Variants in S100A8 observed in about 807,000 individuals in gnomAD.
The protein encoded by S100A8 is protein S100-A8.
Under a neutral mutation model 4.2 loss-of-function variants are expected in S100A8, and 1 was observed. That is an observed-to-expected ratio of 0.24 (90% CI 0.08 to 1.12). S100A8 has a LOEUF of 1.12. Among genes scored for constraint, S100A8 ranks in the 50% most tolerant of loss-of-function variants. S100A8 has a pLI of 0.53. For synonymous variants in S100A8, 41 were observed against 44.7 expected, an observed-to-expected ratio of 0.92 and a Z score of 0.33; for missense variants, 96 against 111.8, an observed-to-expected ratio of 0.86 and a Z score of 0.64.
At chr1:153,417,932 A>G in the S100A8 span, 6 of 1,036,392 alleles carry the variant, frequency 5.8e-6, no homozygotes, top group Admixed American at 1.4e-4. Flanking sequence ...ATCCCATCAC[A>G]TTTAAAAAAA....
upstream of S100A8, among the ~76,000 whole-genome samples, chr1:153,394,761 G>GTC (rs1662176078): frequency 6.6e-6 from 1 of 152,134 alleles, no homozygotes; most frequent in Non-Finnish European, 1.5e-5. Context: ...GAGAAACAAG[G>GTC]TCTCCAGCTC....
the S100A8 span, among the ~76,000 whole-genome samples, chr1:153,409,231 C>T: frequency 2.0e-5 from 3 of 152,244 alleles, no homozygotes; most frequent in South Asian, 6.2e-4. Context: ...TTCAGGAGAC[C>T]TATCTCAGGT....
the S100A8 span, among the ~76,000 whole-genome samples, chr1:153,403,694 G>A: frequency 6.6e-6 from 1 of 152,100 alleles, no homozygotes; most frequent in Admixed American, 6.5e-5. Context: ...ATATTTTTGA[G>A]TGATTGATTC....
chr1:153,403,651 G>A, the S100A8 span, among the ~76,000 whole-genome samples: 9 of 151,918 alleles, frequency 5.9e-5, no homozygotes, highest in African/African-American at 2.2e-4. Context: ...TTTTCAATTA[G>A]GACTATGTTT....
At chr1:153,410,929 G>A in the S100A8 span, among the ~76,000 whole-genome samples, 250 of 152,186 alleles carry the variant, frequency 1.6e-3, 1 homozygote, top group Non-Finnish European at 2.8e-3. Flanking sequence ...AAATTCAACA[G>A]CCCTTCATGC....
At chr1:153,420,150 T>C in the S100A8 span, 1 of 152,218 alleles carries the variant, frequency 6.6e-6, no homozygotes, top group Non-Finnish European at 1.5e-5. Flanking sequence ...AGAGAGCTCA[T>C]GCTGACTGTG....
upstream of S100A8, among the ~76,000 whole-genome samples, chr1:153,393,827 A>G (rs780851115): frequency 2.6e-5 from 4 of 152,212 alleles, no homozygotes; most frequent in African/African-American, 4.8e-5. Flanking sequence ...AAGTATAATT[A>G]TCCCTATTTG....
chr1:153,420,259 A>T, the S100A8 span: 1 of 152,196 alleles, frequency 6.6e-6, no homozygotes, highest in East Asian at 1.9e-4. Flanking sequence ...GAGGATGCAG[A>T]AACAGGCAGG....
At chr1:153,406,185 C>T in the S100A8 span, among the ~76,000 whole-genome samples, 3 of 152,188 alleles carry the variant, frequency 2.0e-5, no homozygotes, top group African/African-American at 4.8e-5. Flanking sequence ...TTTATCTGAA[C>T]CTTTTTGAAG....
chr1:153,404,412 C>T, the S100A8 span, among the ~76,000 whole-genome samples: 2 of 152,120 alleles, frequency 1.3e-5, no homozygotes, highest in Non-Finnish European at 2.9e-5. Context: ...ATCTAGGGGT[C>T]CACCAAGAGT....
In S100A8 at chr1:153,390,808, C is replaced by T. The variant is rs1005465198; in HGVS notation, c.-23+233G>A. On this transcript the variant is annotated intron_variant, in intron 1 of 2. Transcript: ENST00000368733. The stretch of plus-strand genomic sequence containing the variant: ...GGGCCCGTAGACTTTCCTTACCACC[C>T]CACCCTCTGCTCAAGAAAAGTCCAG... 7.6e-6 allele frequency: 4 copies of T among 528,788 alleles called. No homozygotes were observed. In the South Asian group the frequency reaches 1.2e-4, roughly 16 times the overall value. 32.8% of individuals were successfully genotyped at this position (528,788 alleles called of 1,614,324 possible). A position where few individuals can be genotyped will look rare whatever the true frequency, so the allele number is the denominator to read the frequency against.
Position 153,390,374 on chromosome 1 carries a change from C to T in S100A8, c.141+21G>A, listed in dbSNP as rs768285127. On this transcript the variant is annotated intron_variant, in intron 2 of 2. Coordinates refer to ENST00000368733, the MANE Select transcript of S100A8 (RefSeq NM_002964.5). ...CCCAGGACCAGGCAGAGAGCCCCCGCCACACCCAGCCCCTCCTCACCCTGA... is the reference window on the plus strand; with the variant it reads ...CCCAGGACCAGGCAGAGAGCCCCCGTCACACCCAGCCCCTCCTCACCCTGA... 26 of 1,613,138 alleles carry T rather than the reference C, an allele frequency of 1.6e-5. No homozygotes were observed. The African/African-American group carries it at 3.1e-4, about 19-fold the overall frequency.
chr1:153,401,351 G>A, the S100A8 span, among the ~76,000 whole-genome samples: 9 of 152,262 alleles, frequency 5.9e-5, no homozygotes, highest in East Asian at 1.9e-4. Context: ...GAAAGGGGGC[G>A]GAAATGAATT....
rs879236587 is a variant in S100A8 at position 153,390,247 on chromosome 1, T to A, written c.142-4A>T. 6.2e-7 allele frequency: 1 copy of A among 1,608,076 alleles called. No homozygotes were observed. Among genetic ancestry groups the A allele is most frequent in the Admixed American group, 1.7e-5 (1 of 59,090 alleles). On this transcript the variant is annotated splice_region_variant and splice_polypyrimidine_tract_variant and intron_variant, in intron 2 of 2. Coordinates refer to ENST00000368733, the MANE Select transcript of S100A8 (RefSeq NM_002964.5). ...ACCAGACGTCTGCACCCTTTTTCTG[T>A]CAAGATTGAGGAGGAAGAAGCCAGA...
the S100A8 span, among the ~76,000 whole-genome samples, chr1:153,396,233 A>C: frequency 2.1e-4 from 31 of 147,912 alleles, no homozygotes; most frequent in Admixed American, 8.6e-4. Flanking sequence ...TCTCCCCCTC[A>C]AAAAGGGGCT....
the S100A8 span, among the ~76,000 whole-genome samples, chr1:153,412,397 C>G: frequency 6.6e-6 from 1 of 152,112 alleles, no homozygotes; most frequent in Non-Finnish European, 1.5e-5. Flanking sequence ...TCATCACTGG[C>G]CATCAGAGAA....
At position 153,390,555 on chromosome 1, in the gene S100A8, C is replaced by T. The variant is rs1662067003; in HGVS notation, c.-20G>A. The T allele has an allele frequency of 6.2e-7, 1 of 1,613,790 alleles. No homozygotes were observed. The highest frequency in any genetic ancestry group is 8.5e-7 in the Non-Finnish European group (1 of 1,179,876). Reference sequence around the variant, plus strand: ...CAACATGATGCCCACGGACTTGCCCCACCTGAAAAACAGAACCTTCTGGGG... The same window carrying T: ...CAACATGATGCCCACGGACTTGCCCTACCTGAAAAACAGAACCTTCTGGGG... On this transcript the variant is annotated splice_region_variant and 5_prime_UTR_variant, in exon 2 of 3. Coordinates refer to ENST00000368733, the MANE Select transcript of S100A8 (RefSeq NM_002964.5).
the S100A8 span, among the ~76,000 whole-genome samples, chr1:153,402,443 A>G: frequency 2.0e-5 from 3 of 152,154 alleles, no homozygotes; most frequent in East Asian, 5.8e-4. Flanking sequence ...TGGTTAGAGG[A>G]AAGAGCTGGA....
chr1:153,407,044 G>A, the S100A8 span, among the ~76,000 whole-genome samples: 22 of 152,172 alleles, frequency 1.4e-4, no homozygotes, highest in African/African-American at 3.9e-4. Context: ...AGCTCCCAGC[G>A]AAGCAGAAGA....
Sources: allele counts gnomAD v4.1 joint callset (sites outside exome capture counted in the v4.1 genomes callset), GRCh38; gene constraint gnomAD v4.1.1; transcripts MANE v1.5; gene names NCBI Gene and HGNC (gene_info 2026-07-23, HGNC 2026-07-21).